Variants in AGMO observed in about 807,000 individuals in gnomAD.
AGMO encodes alkylglycerol monooxygenase.
In AGMO, 75 loss-of-function variants were observed where a neutral mutation model predicts 60.2. The ratio of observed to expected loss-of-function variants is 1.25; its 90% confidence interval spans 1.03 to 1.51. The LOEUF is 1.51. AGMO is among the 40% of genes most tolerant of loss of function. The probability of loss-of-function intolerance (pLI) is 0.00; values close to 1 mark genes in which losing one functional copy is unlikely to be tolerated. For missense variants in AGMO, 763 were observed against 525.5 expected (o/e 1.45, Z -4.42); for synonymous variants, 261 against 177.1 (o/e 1.47, Z -3.76).
At chr7:15,176,840 T>C in the AGMO span, among the ~76,000 whole-genome samples, 6 of 151,986 alleles carry the variant, frequency 3.9e-5, no homozygotes, top group Non-Finnish European at 5.9e-5. Flanking sequence ...ACTGAAATCA[T>C]AGGCTTCTGA....
intron 12 of AGMO, among the ~76,000 whole-genome samples, chr7:15,247,161 A>G (rs550016395): frequency 6.6e-6 from 1 of 152,186 alleles, no homozygotes; most frequent in Non-Finnish European, 1.5e-5. Context: ...TCCTAAAAAA[A>G]AAACTGAGAA....
chr7:15,250,583 A>T (rs1165144698), intron 12 of AGMO, among the ~76,000 whole-genome samples: 3 of 135,612 alleles, frequency 2.2e-5, no homozygotes, highest in Admixed American at 1.5e-4. Context: ...ACACACACAC[A>T]CTCTGGTTTA....
chr7:15,429,515 T>C (rs1781168171), intron 4 of AGMO, among the ~76,000 whole-genome samples: 1 of 152,006 alleles, frequency 6.6e-6, no homozygotes, highest in Non-Finnish European at 1.5e-5. Flanking sequence ...GGCAGTACCT[T>C]GATTTTGACT....
intron 4 of AGMO, among the ~76,000 whole-genome samples, chr7:15,429,208 A>G (rs1183923863): frequency 2.6e-5 from 4 of 152,024 alleles, no homozygotes; most frequent in African/African-American, 9.7e-5. Flanking sequence ...CCCTACCCAA[A>G]TTCACATGTT....
At chr7:15,137,300 T>C in the AGMO span, among the ~76,000 whole-genome samples, 78 of 152,322 alleles carry the variant, frequency 5.1e-4, no homozygotes, top group African/African-American at 1.8e-3. Context: ...TTTTTATACG[T>C]TTTCCTCAGA....
At chr7:15,128,042 G>T in the AGMO span, among the ~76,000 whole-genome samples, 1 of 152,008 alleles carries the variant, frequency 6.6e-6, no homozygotes, top group African/African-American at 2.4e-5. Flanking sequence ...ACAACCACAA[G>T]GTTCATATTG....
the AGMO span, among the ~76,000 whole-genome samples, chr7:15,179,210 A>C: frequency 6.6e-6 from 1 of 152,092 alleles, no homozygotes; most frequent in Non-Finnish European, 1.5e-5. Flanking sequence ...GAGCCATCAC[A>C]ATAGCCCAAA....
chr7:15,311,180 TA>T (rs200221692), intron 12 of AGMO, among the ~76,000 whole-genome samples: 8 of 151,518 alleles, frequency 5.3e-5, no homozygotes, highest in East Asian at 1.9e-4. Context: ...AATGCTAGAT[TA>T]AAAAAAAATT....
At chr7:15,150,738 A>G in the AGMO span, among the ~76,000 whole-genome samples, 2 of 152,092 alleles carry the variant, frequency 1.3e-5, no homozygotes. Context: ...GCCTATGTTC[A>G]TCAGGGAAAA....
chr7:15,130,322 A>G, the AGMO span, among the ~76,000 whole-genome samples: 1 of 151,584 alleles, frequency 6.6e-6, no homozygotes, highest in Non-Finnish European at 1.5e-5. Flanking sequence ...TTCTGACAAT[A>G]GTCAAATTCT....
At chr7:15,372,356 C>T (rs1049289863) in intron 10 of AGMO, among the ~76,000 whole-genome samples, 2 of 152,096 alleles carry the variant, frequency 1.3e-5, no homozygotes, top group Non-Finnish European at 2.9e-5. Flanking sequence ...GCAGCTGAGG[C>T]AGGAGTAAAC....
At chr7:15,523,283 A>T (rs1784048862) in intron 3 of AGMO, among the ~76,000 whole-genome samples, 1 of 152,238 alleles carries the variant, frequency 6.6e-6, no homozygotes, top group African/African-American at 2.4e-5. Flanking sequence ...GCAATTCCTC[A>T]TGGATCTAGA....
intron 3 of AGMO, among the ~76,000 whole-genome samples, chr7:15,496,561 T>G (rs1363685238): frequency 7.1e-6 from 1 of 141,390 alleles, no homozygotes; most frequent in Non-Finnish European, 1.6e-5. Context: ...AAAAAAAAAA[T>G]GCTAATACTA....
intron 3 of AGMO, among the ~76,000 whole-genome samples, chr7:15,438,314 G>A (rs1781456883): frequency 1.3e-5 from 2 of 151,908 alleles, no homozygotes; most frequent in Admixed American, 1.3e-4. Flanking sequence ...AGCTTATCAT[G>A]TAGGGAATAT....
At chr7:15,335,885 C>G (rs1314885618) in intron 12 of AGMO, among the ~76,000 whole-genome samples, 2 of 152,128 alleles carry the variant, frequency 1.3e-5, no homozygotes, top group East Asian at 1.9e-4. Context: ...AAATAGATCA[C>G]ACTAAACCAA....
chr7:15,354,493 CGTGTATATAT>C (rs1210049862), intron 12 of AGMO, among the ~76,000 whole-genome samples: 1 of 11,908 alleles, frequency 8.4e-5, no homozygotes, highest in African/African-American at 2.7e-4. Flanking sequence ...TATATACACA[CGTGTATATAT>C]ATATATATAT....
chr7:15,464,662 A>C (rs2128509790), intron 3 of AGMO, among the ~76,000 whole-genome samples: 1 of 152,244 alleles, frequency 6.6e-6, no homozygotes, highest in Middle Eastern at 3.4e-3. Context: ...GTGAGGTTAG[A>C]GGTTATTTGA....
intron 3 of AGMO, among the ~76,000 whole-genome samples, chr7:15,523,954 A>T (rs4719452): frequency 0.79 from 120,159 of 152,088 alleles, 47,613 homozygotes; most frequent in East Asian, 0.97. Context: ...TATGTCTGAA[A>T]ATGCATTTTA....
At position 15,434,949 on chromosome 7, in the gene AGMO, C is replaced by A. The variant is rs117238506; in HGVS notation, c.410-3841G>T. 1.8e-3 allele frequency among the ~76,000 whole-genome samples: 248 copies of A among 138,330 alleles called. 2 individuals are homozygous for A. In the East Asian group the frequency reaches 0.044, roughly 24 times the overall value. The allele number at this position is 138,330 out of a possible 152,430, so 90.7% of individuals were successfully genotyped here. ...TTTTTTGAGTGTATCCTATCAATAA[C>A]ATCATACAGTATTTTTAGCCTTTTG... is the stretch of plus-strand genomic sequence containing the variant. On this transcript the variant is annotated intron_variant, in intron 3 of 12. Coordinates refer to ENST00000342526, the MANE Select transcript of AGMO (RefSeq NM_001004320.2).
Sources: allele counts gnomAD v4.1 joint callset (sites outside exome capture counted in the v4.1 genomes callset), GRCh38; gene constraint gnomAD v4.1.1; transcripts MANE v1.5; gene names NCBI Gene and HGNC (gene_info 2026-07-23, HGNC 2026-07-21).